Variants in PTPRD observed in about 807,000 individuals in gnomAD.
PTPRD encodes protein tyrosine phosphatase receptor type D, also known as receptor-type tyrosine-protein phosphatase delta.
PTPRD carries 34 observed loss-of-function variants against 214.5 expected under a neutral mutation model. The observed-to-expected ratio is 0.16, with a 90% CI of 0.12 to 0.21. The LOEUF is 0.21. PTPRD is among the 10% of genes least tolerant of loss of function. The pLI, the probability that PTPRD is intolerant of heterozygous loss-of-function variation, is 1.00. For missense variants in PTPRD, 2,545 were observed against 2,398.7 expected (o/e 1.06, Z -1.27); for synonymous variants, 1,128 against 845.7 (o/e 1.33, Z -5.79).
chr9:10,523,610 T>TAGAGAGAGAG (rs1223592218), intron 2 of PTPRD, among the ~76,000 whole-genome samples: 3 of 95,684 alleles, frequency 3.1e-5, no homozygotes, highest in African/African-American at 9.9e-5. Flanking sequence ...TGTATATATA[T>TAGAGAGAGAG]ATATATATAT....
At chr9:8,948,915 C>T (rs987260401) in intron 11 of PTPRD, among the ~76,000 whole-genome samples, 4 of 151,482 alleles carry the variant, frequency 2.6e-5, no homozygotes, top group African/African-American at 7.3e-5. Flanking sequence ...AGTCTGAACA[C>T]GGTTGTAAGA....
At chr9:9,832,844 A>G (rs1318026585) in intron 5 of PTPRD, among the ~76,000 whole-genome samples, 1 of 151,794 alleles carries the variant, frequency 6.6e-6, no homozygotes, top group Non-Finnish European at 1.5e-5. Context: ...AGACTCCTCA[A>G]TGAGTTTTTG....
At chr9:9,946,699 C>A (rs1480654446) in intron 4 of PTPRD, among the ~76,000 whole-genome samples, 1 of 152,108 alleles carries the variant, frequency 6.6e-6, no homozygotes, top group Non-Finnish European at 1.5e-5. Context: ...AAACTGGGAA[C>A]TATCTCGCAC....
At chr9:9,879,629 G>C (rs1246383960) in intron 5 of PTPRD, among the ~76,000 whole-genome samples, 1 of 152,088 alleles carries the variant, frequency 6.6e-6, no homozygotes, top group Non-Finnish European at 1.5e-5. Flanking sequence ...GTCAGACCAG[G>C]AATATACTGA....
intron 5 of PTPRD, among the ~76,000 whole-genome samples, chr9:9,844,793 TA>T (rs2059103253): frequency 6.6e-6 from 1 of 151,630 alleles, no homozygotes. Context: ...TAAAACTTGT[TA>T]TTGAGGTGAG....
At chr9:10,226,117 AG>A (rs1432631931) in intron 3 of PTPRD, among the ~76,000 whole-genome samples, 2 of 152,044 alleles carry the variant, frequency 1.3e-5, no homozygotes, top group Non-Finnish European at 2.9e-5. Context: ...TCCATTGTCC[AG>A]TGGTCAGCCG....
Position 8,800,068 on chromosome 9 carries a change from T to C in PTPRD, c.-103-66122A>G, listed in dbSNP as rs577198110. Among the ~76,000 whole-genome samples the C allele has an allele frequency of 9.2e-5, 14 of 152,050 alleles. No individual in the cohort carries two copies. In the South Asian group the frequency reaches 2.1e-3, roughly 23 times the overall value. Reference sequence around the variant, plus strand: ...ATACAAGCATAGGACGGCACTACCATTATTTGTCAAGGCTCCAAAGGTGTG... The same window carrying C: ...ATACAAGCATAGGACGGCACTACCACTATTTGTCAAGGCTCCAAAGGTGTG... On this transcript the variant is annotated intron_variant, in intron 11 of 45. Transcript: ENST00000381196.
At chr9:8,325,315 G>C (rs943588721) in intron 44 of PTPRD, among the ~76,000 whole-genome samples, 2 of 148,714 alleles carry the variant, frequency 1.3e-5, no homozygotes, top group Non-Finnish European at 3.0e-5. Context: ...CATATGGCCA[G>C]CCAGTTTTCC....
chr9:8,651,157 T>C (rs2096798670), intron 12 of PTPRD, among the ~76,000 whole-genome samples: 1 of 152,216 alleles, frequency 6.6e-6, no homozygotes, highest in Non-Finnish European at 1.5e-5. Context: ...TATATTCATA[T>C]ATGCAAGATG....
At chr9:8,328,274 T>C (rs1836047365) in intron 44 of PTPRD, among the ~76,000 whole-genome samples, 1 of 152,190 alleles carries the variant, frequency 6.6e-6, no homozygotes, top group Non-Finnish European at 1.5e-5. Context: ...CCTTCACTTA[T>C]GAAGCTTAGT....
rs554324414 is a variant in PTPRD at position 9,032,808 on chromosome 9, G to T, written c.-142-14073C>A. On this transcript the variant is annotated intron_variant, in intron 10 of 45. Transcript: ENST00000381196. ...TCCTGCAAATAGAGCTTATATTAAT[G>T]ACTTCTTAGGGTTGCAGTGAAGATA... Among the ~76,000 whole-genome samples, 5 of 152,168 alleles carry T rather than the reference G, an allele frequency of 3.3e-5. No homozygotes were observed. In the South Asian group the frequency reaches 1.0e-3, roughly 32 times the overall value.
chr9:9,347,481 G>T (rs567081776), intron 9 of PTPRD, among the ~76,000 whole-genome samples: 2 of 151,920 alleles, frequency 1.3e-5, no homozygotes, highest in African/African-American at 4.8e-5. Flanking sequence ...ATCCCTCAGG[G>T]TAAAACCATT....
At chr9:8,937,471 T>C (rs1301253808) in intron 11 of PTPRD, among the ~76,000 whole-genome samples, 3 of 152,186 alleles carry the variant, frequency 2.0e-5, no homozygotes, top group Non-Finnish European at 4.4e-5. Context: ...AACACTTGGA[T>C]GACTGTCATA....
intron 7 of PTPRD, among the ~76,000 whole-genome samples, chr9:9,709,281 C>T (rs1009855478): frequency 6.6e-6 from 1 of 151,616 alleles, no homozygotes; most frequent in African/African-American, 2.4e-5. Flanking sequence ...TATAAAATGC[C>T]CAAAATTAAT....
At chr9:10,344,014 C>T (rs550960405) in intron 2 of PTPRD, among the ~76,000 whole-genome samples, 1,046 of 72,308 alleles carry the variant, frequency 0.014, 22 homozygotes, top group African/African-American at 0.055. Flanking sequence ...TTTTGCTGTG[C>T]AGAAGCTCTT....
intron 7 of PTPRD, among the ~76,000 whole-genome samples, chr9:9,695,506 G>A (rs2097357195): frequency 6.6e-6 from 1 of 152,126 alleles, no homozygotes; most frequent in African/African-American, 2.4e-5. Flanking sequence ...CCTAGCACTA[G>A]GAATTGAATA....
intron 7 of PTPRD, among the ~76,000 whole-genome samples, chr9:9,598,729 C>G (rs1342156192): frequency 6.6e-6 from 1 of 151,918 alleles, no homozygotes; most frequent in African/African-American, 2.4e-5. Flanking sequence ...GTAAGCATAA[C>G]TTTTAATGCC....
At chr9:8,450,453 G>A (rs1367857537) in intron 33 of PTPRD, among the ~76,000 whole-genome samples, 1 of 152,134 alleles carries the variant, frequency 6.6e-6, no homozygotes, top group Non-Finnish European at 1.5e-5. Flanking sequence ...AAAAAACAGT[G>A]TTAGCTCTTA....
intron 37 of PTPRD, among the ~76,000 whole-genome samples, chr9:8,380,215 C>A (rs2084579262): frequency 6.6e-6 from 1 of 152,146 alleles, no homozygotes; most frequent in Non-Finnish European, 1.5e-5. Flanking sequence ...AGTTGTGGGG[C>A]ATCAAGGTGA....
Sources: allele counts gnomAD v4.1 joint callset (sites outside exome capture counted in the v4.1 genomes callset), GRCh38; gene constraint gnomAD v4.1.1; transcripts MANE v1.5; gene names NCBI Gene and HGNC (gene_info 2026-07-23, HGNC 2026-07-21).